The following N4BP2L2 variants were observed in gnomAD, a reference collection of about 807,000 sequenced individuals.
N4BP2L2 encodes NEDD4-binding protein 2-like 2.
In N4BP2L2, 50 loss-of-function variants were observed where a neutral mutation model predicts 56.2. That is an observed-to-expected ratio of 0.89 (90% CI 0.71 to 1.13). The LOEUF is 1.13. N4BP2L2 is among the 50% of genes most tolerant of loss of function. N4BP2L2 has a pLI of 0.00. For missense variants in N4BP2L2, 689 were observed against 693.8 expected (o/e 0.99, Z 0.08); for synonymous variants, 203 against 223.6 (o/e 0.91, Z 0.82).
At chr13:32,528,765 G>T (rs1314859338) in intron 2 of N4BP2L2, among the ~76,000 whole-genome samples, 1 of 152,134 alleles carries the variant, frequency 6.6e-6, no homozygotes, top group Non-Finnish European at 1.5e-5. Context: ...GGCCTGGAAT[G>T]ATTCAAGCTT....
chr13:32,536,371 T>G, exon 2 of N4BP2L2: 1 of 1,614,152 alleles, frequency 6.2e-7, no homozygotes, highest in Non-Finnish European at 8.5e-7. Context: ...CTTTCTTTTC[T>G]TCATCAGGTT....
At chr13:32,441,520 CTAA>C (rs908300813) in intron 7 of N4BP2L2, among the ~76,000 whole-genome samples, 6 of 150,932 alleles carry the variant, frequency 4.0e-5, no homozygotes, top group African/African-American at 1.5e-4. Context: ...CCTGTCTCTA[CTAA>C]TAATACAAAA....
At chr13:32,476,778 A>G (rs1431501692) in intron 6 of N4BP2L2, among the ~76,000 whole-genome samples, 1 of 152,248 alleles carries the variant, frequency 6.6e-6, no homozygotes, top group East Asian at 1.9e-4. Context: ...TTCACTATTT[A>G]TAAAGATACT....
intron 8 of N4BP2L2, among the ~76,000 whole-genome samples, chr13:32,436,806 A>G (rs1266950813): frequency 7.7e-6 from 1 of 130,702 alleles, no homozygotes; most frequent in Non-Finnish European, 1.5e-5. Flanking sequence ...AAAAAAAAAA[A>G]AAAAGAAAGG....
chr13:32,446,345 A>T (rs750974831), intron 6 of N4BP2L2: 17 of 1,364,008 alleles, frequency 1.2e-5, no homozygotes, highest in Admixed American at 1.1e-4. Context: ...ACTCTCCTTC[A>T]TGGCCAGTTC....
intron 3 of N4BP2L2, among the ~76,000 whole-genome samples, chr13:32,526,460 A>G (rs896546721): frequency 2.3e-5 from 3 of 129,450 alleles, no homozygotes; most frequent in Admixed American, 7.7e-5. Flanking sequence ...TGTATAAAGT[A>G]TGATGTCTAG....
intron 6 of N4BP2L2, among the ~76,000 whole-genome samples, chr13:32,501,533 G>A (rs1201987070): frequency 3.3e-5 from 5 of 151,734 alleles, no homozygotes; most frequent in African/African-American, 7.3e-5. Context: ...TGAAAATATC[G>A]GCCGGGTGCG....
chr13:32,507,712 T>G (rs941213476), downstream of N4BP2L2: 6 of 152,180 alleles, frequency 3.9e-5, no homozygotes, highest in African/African-American at 1.4e-4. Context: ...ATAGATGGAC[T>G]GTAGTAAATG....
At chr13:32,493,826 G>A (rs1252371588) in intron 6 of N4BP2L2, among the ~76,000 whole-genome samples, 2 of 152,228 alleles carry the variant, frequency 1.3e-5, no homozygotes, top group Admixed American at 1.3e-4. Context: ...AAAACTGCAA[G>A]CTAATGTTAC....
intron 6 of N4BP2L2, among the ~76,000 whole-genome samples, chr13:32,467,779 C>T (rs2081499355): frequency 6.6e-6 from 1 of 151,320 alleles, no homozygotes; most frequent in African/African-American, 2.4e-5. Context: ...CACCTGAGGT[C>T]AGGAGTTTGA....
chr13:32,468,594 C>A (rs2081673158), intron 6 of N4BP2L2, among the ~76,000 whole-genome samples: 1 of 152,156 alleles, frequency 6.6e-6, no homozygotes, highest in Admixed American at 6.5e-5. Flanking sequence ...GTGATGGGCA[C>A]ATGTAAGGTA....
At chr13:32,467,708 G>T (rs2081479054) in intron 6 of N4BP2L2, among the ~76,000 whole-genome samples, 1 of 151,624 alleles carries the variant, frequency 6.6e-6, no homozygotes, top group Admixed American at 6.6e-5. Flanking sequence ...AATAACGTAG[G>T]CCAGGCATGG....
chr13:32,517,449 AG>A (rs1232138843), exon 6 of N4BP2L2: 2 of 997,854 alleles, frequency 2.0e-6, no homozygotes, highest in East Asian at 2.1e-4. Flanking sequence ...ATGAAAAGTT[AG>A]ATTTAGATAT....
At chr13:32,446,548 T>C (rs922277375) in intron 6 of N4BP2L2, 22 of 1,284,540 alleles carry the variant, frequency 1.7e-5, no homozygotes, top group Non-Finnish European at 2.2e-5. Flanking sequence ...GATTAAATGG[T>C]AAAATACTAA....
chr13:32,518,974 C>T (rs1341371190), intron 5 of N4BP2L2, among the ~76,000 whole-genome samples: 4 of 152,038 alleles, frequency 2.6e-5, no homozygotes, highest in Admixed American at 6.6e-5. Context: ...ACAAAACATA[C>T]AGGAAACATA....
At chr13:32,500,075 A>C (rs1040665700) in intron 6 of N4BP2L2, among the ~76,000 whole-genome samples, 1 of 152,146 alleles carries the variant, frequency 6.6e-6, no homozygotes, top group Non-Finnish European at 1.5e-5. Context: ...GTTGGGTTCT[A>C]CTGTGGCTCT....
chr13:32,500,292 T>C (rs1377357298), intron 6 of N4BP2L2, among the ~76,000 whole-genome samples: 2 of 152,166 alleles, frequency 1.3e-5, no homozygotes, highest in African/African-American at 4.8e-5. Context: ...ATGAGCTGCT[T>C]TTCATTTCCT....
exon 6 of N4BP2L2, chr13:32,511,690 T>C (rs2048173161): frequency 6.6e-6 from 1 of 152,156 alleles, no homozygotes; most frequent in African/African-American, 2.4e-5. Flanking sequence ...AAAAAGATAT[T>C]ATCTCCCGCT....
chr13:32,442,494 G>C (rs370294682), exon 7 of N4BP2L2: 38 of 1,613,564 alleles, frequency 2.4e-5, no homozygotes, highest in Non-Finnish European at 3.1e-5. Context: ...AGTCTTGGCT[G>C]TCCTCAGCTG....
Sources: allele counts gnomAD v4.1 joint callset (sites outside exome capture counted in the v4.1 genomes callset), GRCh38; gene constraint gnomAD v4.1.1; transcripts MANE v1.5; gene names NCBI Gene and HGNC (gene_info 2026-07-23, HGNC 2026-07-21).